The following STX1A variants were observed in gnomAD, a reference collection of about 807,000 sequenced individuals.
STX1A encodes the protein syntaxin-1A.
A neutral mutation model predicts 37.8 loss-of-function variants in STX1A; 4 were observed. The observed-to-expected ratio is 0.11, with a 90% CI of 0.05 to 0.24. The LOEUF (loss-of-function observed/expected upper bound fraction) is 0.24. Among genes scored for constraint, STX1A ranks in the 10% least tolerant of loss-of-function variants. The pLI, the probability that STX1A is intolerant of heterozygous loss-of-function variation, is 1.00. For synonymous variants in STX1A, 135 were observed against 147.4 expected (o/e 0.92, Z 0.61); for missense variants, 251 against 399.9 (o/e 0.63, Z 3.18).
intron 1 of STX1A, among the ~76,000 whole-genome samples, chr7:73,710,504 C>T (rs1490788280): frequency 1.3e-5 from 2 of 151,852 alleles, no homozygotes; most frequent in Non-Finnish European, 2.9e-5. Context: ...TGGCTCACTG[C>T]AACCTCCACC....
chr7:73,701,780 C>G (rs782631243), intron 8 of STX1A, among the ~76,000 whole-genome samples: 5 of 152,176 alleles, frequency 3.3e-5, no homozygotes, highest in Non-Finnish European at 7.3e-5. Context: ...AAGGCCACAT[C>G]ACTCCCATAC....
chr7:73,705,139 G>A lies in STX1A; in HGVS notation c.283+11C>T. The A allele has an allele frequency of 6.4e-7, 1 of 1,573,462 alleles. No individual in the cohort carries two copies. The highest frequency in any genetic ancestry group is 8.7e-7 in the Non-Finnish European group (1 of 1,144,154). ...ATGCCCCCCACCCACCCCCAGACAA[G>A]CCTGACTCACTCTTTAACTTGGAAC... On this transcript the variant is annotated intron_variant, in intron 4 of 9. Transcript: ENST00000222812. This position sits in a 1 kb window ranked among gnomAD's most constrained non-coding sequence, Gnocchi z 5.2.
In STX1A at chr7:73,705,204, C is replaced by T. The variant is rs1315627336; in HGVS notation, c.229G>A (p.Glu77Lys). 2.5e-6 allele frequency: 4 copies of T among 1,613,632 alleles called. No individual in the cohort carries two copies. The highest frequency in any genetic ancestry group is 2.2e-5 in the East Asian group (1 of 44,850). The change falls in exon 4 of 10, where the codon GAA becomes AAA. Residue 77 changes from glutamate (E) to lysine (K), a missense_variant. Physicochemically the swap from Glu to Lys is moderately conservative, Grantham distance 56. This residue lies in a region of STX1A where 214 missense variants were observed against 367.6 expected (regional missense o/e 0.58). Transcript: ENST00000222812. The surrounding 1 kb of genome is among the most constrained non-coding windows in gnomAD (Gnocchi z 5.2). ...GTCTTCTTTATGTCGGACATGAGTT[C>T]TTCCAGCTCCTCCTTCGTCTCTGGG... is the stretch of plus-strand genomic sequence containing the variant. ...PDEKTKEELE[E>K]LMSDIKKTAN...
rs1316388784 is a variant in STX1A at position 73,702,652 on chromosome 7, A to G, written c.678+193T>C. 8 of 1,444,816 alleles carry G rather than the reference A, an allele frequency of 5.5e-6. No individual in the cohort carries two copies. Among genetic ancestry groups the G allele is most frequent in the Non-Finnish European group, 7.3e-6 (8 of 1,096,658 alleles). 89.5% of individuals were successfully genotyped at this position (1,444,816 alleles called of 1,614,324 possible). ...CAGGGCCTGGGGTCCTTGAAGCTCA[A>G]GCAGAGCCATGCAGAGGACAGGGAC... On this transcript the variant is annotated intron_variant, in intron 8 of 9. Coordinates refer to ENST00000222812, the MANE Select transcript of STX1A (RefSeq NM_004603.4). This position sits in a 1 kb window ranked among gnomAD's most constrained non-coding sequence, Gnocchi z 4.7.
At chr7:73,713,722 C>A (rs1188451355) in intron 1 of STX1A, among the ~76,000 whole-genome samples, 3 of 152,136 alleles carry the variant, frequency 2.0e-5, no homozygotes, top group African/African-American at 7.2e-5. Context: ...AGAGCAAGAT[C>A]CTGTCTCAAA....
In STX1A at chr7:73,700,605, G is replaced by C. The variant is rs1233947923; in HGVS notation, c.790-121C>G. ...TCCAAGCAGGGGAAGGTGACGGCCT[G>C]GGAGGGGGCTGTCATGGGGAGCTCC... is the stretch of plus-strand genomic sequence containing the variant. On this transcript the variant is annotated intron_variant, in intron 9 of 9. Transcript: ENST00000222812. The surrounding 1 kb of genome is among the most constrained non-coding windows in gnomAD (Gnocchi z 4.4). 4.0e-6 allele frequency: 6 copies of C among 1,498,716 alleles called. No homozygotes were observed. The highest frequency in any genetic ancestry group is 5.5e-6 in the Non-Finnish European group (6 of 1,098,718). The allele number at this position is 1,498,716 out of a possible 1,614,324, so 92.8% of individuals were successfully genotyped here.
intron 1 of STX1A, among the ~76,000 whole-genome samples, chr7:73,716,980 C>A (rs578210487): frequency 6.6e-6 from 1 of 152,334 alleles, no homozygotes; most frequent in African/African-American, 2.4e-5. Context: ...ACTGCGACAG[C>A]ATTGAGGCCC....
chr7:73,704,629 A>ACAC, intron 4 of STX1A: 2 of 625,386 alleles, frequency 3.2e-6, no homozygotes, highest in Non-Finnish European at 5.6e-6. Flanking sequence ...CATGTGTGTA[A>ACAC]ATGCACACCC....
At chr7:73,712,538 C>G (rs1474158290) in intron 1 of STX1A, among the ~76,000 whole-genome samples, 6 of 152,214 alleles carry the variant, frequency 3.9e-5, no homozygotes, top group African/African-American at 1.4e-4. Flanking sequence ...GGAGCCATGG[C>G]TGAAAACTCT....
chr7:73,718,293 C>T (rs1799362853), intron 1 of STX1A, among the ~76,000 whole-genome samples: 3 of 152,126 alleles, frequency 2.0e-5, no homozygotes, highest in South Asian at 2.1e-4. Flanking sequence ...AAGTGGAGGC[C>T]GTGGTGCCAG....
chr7:73,716,245 C>T (rs868968972), intron 1 of STX1A, among the ~76,000 whole-genome samples: 3 of 152,272 alleles, frequency 2.0e-5, no homozygotes, highest in Non-Finnish European at 2.9e-5. Flanking sequence ...CTTACACTCT[C>T]GTGCCTGCCA....
intron 3 of STX1A, among the ~76,000 whole-genome samples, chr7:73,708,255 T>G (rs1386685304): frequency 4.7e-5 from 5 of 106,004 alleles, no homozygotes; most frequent in Non-Finnish European, 8.7e-5. Flanking sequence ...AGAGCAAGAC[T>G]CCATCTCAAA....
chr7:73,704,882 C>A, intron 4 of STX1A: 1 of 569,134 alleles, frequency 1.8e-6, no homozygotes, highest in African/African-American at 1.9e-5. Flanking sequence ...TTCTTCAACC[C>A]TCTTTAGCAG....
chr7:73,707,533 A>G (rs1265101777), intron 3 of STX1A, among the ~76,000 whole-genome samples: 2 of 152,034 alleles, frequency 1.3e-5, no homozygotes, highest in African/African-American at 4.8e-5. Context: ...CTTCCTATTG[A>G]TCACAGACAG....
At chr7:73,703,269 G>C (rs1798732871) in intron 7 of STX1A, 1 of 556,264 alleles carries the variant, frequency 1.8e-6, no homozygotes, top group Non-Finnish European at 3.3e-6. Flanking sequence ...CCAGCATTTT[G>C]CAGAGCCGAA....
rs909615558 is a variant in STX1A at position 73,706,823 on chromosome 7, G to A, written c.209-1599C>T. 9.9e-5 allele frequency among the ~76,000 whole-genome samples: 15 copies of A among 152,216 alleles called. No individual in the cohort carries two copies. The highest frequency in any genetic ancestry group is 3.6e-4 in the African/African-American group (15 of 41,444). Reference sequence around the variant, plus strand: ...GATACCTCTGGGCGCACAGACATCCGTCTCATGCTGCCATCCAACAAATCT... The same window carrying A: ...GATACCTCTGGGCGCACAGACATCCATCTCATGCTGCCATCCAACAAATCT... On this transcript the variant is annotated intron_variant, in intron 3 of 9. Coordinates refer to ENST00000222812, the MANE Select transcript of STX1A (RefSeq NM_004603.4). The surrounding 1 kb of genome is among the most constrained non-coding windows in gnomAD (Gnocchi z 4.6).
In STX1A at chr7:73,700,503, G is replaced by A. The variant is rs1584237178; in HGVS notation, c.790-19C>T. ...TTTTCTTCTGCATGGGAAGCGGGCAGGAGAGGCCTCAGACAGTGTTGGCGG... is the reference window on the plus strand; with the variant it reads ...TTTTCTTCTGCATGGGAAGCGGGCAAGAGAGGCCTCAGACAGTGTTGGCGG... On this transcript the variant is annotated intron_variant, in intron 9 of 9. Transcript: ENST00000222812. The surrounding 1 kb of genome is among the most constrained non-coding windows in gnomAD (Gnocchi z 4.4). 1.2e-6 allele frequency: 2 copies of A among 1,613,428 alleles called. No individual in the cohort carries two copies. Among genetic ancestry groups the A allele is most frequent in the Admixed American group, 3.3e-5 (2 of 59,906 alleles).
intron 3 of STX1A, among the ~76,000 whole-genome samples, chr7:73,708,284 A>G (rs2116751472): frequency 1.3e-5 from 2 of 149,944 alleles, no homozygotes; most frequent in South Asian, 2.1e-4. Context: ...AAAAAAAAGA[A>G]AAAAAGAAAA....
chr7:73,707,009 G>C (rs1164076299), intron 3 of STX1A, among the ~76,000 whole-genome samples: 1 of 152,150 alleles, frequency 6.6e-6, no homozygotes, highest in Non-Finnish European at 1.5e-5. Context: ...GCACACTTTG[G>C]GGCTGTGAAA....
Sources: allele counts gnomAD v4.1 joint callset (sites outside exome capture counted in the v4.1 genomes callset), GRCh38; gene constraint gnomAD v4.1.1; regional missense constraint gnomAD v4.1.1; non-coding constraint Gnocchi (gnomAD v3.1); transcripts MANE v1.5; gene names NCBI Gene and HGNC (gene_info 2026-07-23, HGNC 2026-07-21).